Variants in STK24 observed in about 807,000 individuals in gnomAD.
STK24 encodes serine/threonine-protein kinase 24.
In STK24, 21 loss-of-function variants were observed where a neutral mutation model predicts 55.6. The ratio of observed to expected loss-of-function variants is 0.38; its 90% CI spans 0.27 to 0.54. STK24 has a LOEUF of 0.54. Among genes scored for constraint, STK24 ranks in the 20% least tolerant of loss-of-function variants. The pLI is 0.79. For missense variants in STK24, 383 were observed against 538.4 expected (o/e 0.71, Z 2.86); for synonymous variants, 200 against 215.2 (o/e 0.93, Z 0.62).
intron 5 of STK24, among the ~76,000 whole-genome samples, chr13:98,470,152 T>G (rs1894087013): frequency 6.6e-6 from 1 of 152,200 alleles, no homozygotes; most frequent in African/African-American, 2.4e-5. Context: ...CAAGAACTTG[T>G]GTCTGAGGTT....
chr13:98,445,205 T>C lies in STK24; in HGVS notation c.*7968A>G, dbSNP rs1294134535. On this transcript the variant is annotated 3_prime_UTR_variant, in exon 11 of 11. Transcript: ENST00000539966. Reference sequence around the variant, plus strand: ...CAGACTCGGAGGTCTGTATTTTTTATTGTGGTAAAATAGCTATACCACAAT... The same window carrying C: ...CAGACTCGGAGGTCTGTATTTTTTACTGTGGTAAAATAGCTATACCACAAT... The C allele has an allele frequency of 6.6e-6, 1 of 152,308 alleles. No individual in the cohort carries two copies. Among genetic ancestry groups the C allele is most frequent in the Non-Finnish European group, 1.5e-5 (1 of 68,070 alleles). 9.4% of individuals were successfully genotyped at this position (152,308 alleles called of 1,614,324 possible).
intron 2 of STK24, among the ~76,000 whole-genome samples, chr13:98,490,748 T>A (rs769848711): frequency 6.6e-6 from 1 of 151,732 alleles, no homozygotes. Context: ...TCCTCCCTTG[T>A]GTTCGCAAAC....
At chr13:98,488,162 C>CACGAAG (rs1894877821) in intron 2 of STK24, among the ~76,000 whole-genome samples, 1 of 91,980 alleles carries the variant, frequency 1.1e-5, no homozygotes. Flanking sequence ...GAGATGAAGA[C>CACGAAG]ACACACACAC....
intron 2 of STK24, among the ~76,000 whole-genome samples, chr13:98,483,028 C>A (rs1894658378): frequency 2.0e-5 from 3 of 152,264 alleles, no homozygotes; most frequent in Admixed American, 6.5e-5. Flanking sequence ...TCTCTTCAAG[C>A]TACTCAGCCC....
intron 10 of STK24, chr13:98,453,520 T>A (rs904365012): frequency 3.0e-6 from 1 of 335,390 alleles, no homozygotes; most frequent in African/African-American, 2.2e-5. Flanking sequence ...AAAGTGAACA[T>A]TGATCCATAC....
intron 1 of STK24, among the ~76,000 whole-genome samples, chr13:98,553,070 G>T (rs1350858116): frequency 6.6e-6 from 1 of 152,178 alleles, no homozygotes; most frequent in Non-Finnish European, 1.5e-5. Flanking sequence ...GAGCCAAGGG[G>T]ATGGGAAATC....
chr13:98,483,371 C>T (rs1251749714), intron 2 of STK24, among the ~76,000 whole-genome samples: 4 of 152,098 alleles, frequency 2.6e-5, no homozygotes, highest in Non-Finnish European at 4.4e-5. Flanking sequence ...ACTCAGGACT[C>T]GGTGGTGGCT....
chr13:98,548,979 C>T (rs114866602), intron 1 of STK24, among the ~76,000 whole-genome samples: 19 of 152,062 alleles, frequency 1.2e-4, no homozygotes, highest in Admixed American at 3.9e-4. Flanking sequence ...GAGAAGACCC[C>T]GATCAGTGCC....
intron 2 of STK24, among the ~76,000 whole-genome samples, chr13:98,508,219 C>T (rs60185370): frequency 1.5e-3 from 233 of 152,110 alleles, no homozygotes; most frequent in African/African-American, 5.3e-3. Flanking sequence ...ATTTCGTATA[C>T]AGGATCCCAA....
At chr13:98,575,630 C>T (rs1897870500) in intron 1 of STK24, among the ~76,000 whole-genome samples, 1 of 152,182 alleles carries the variant, frequency 6.6e-6, no homozygotes, top group African/African-American at 2.4e-5. Context: ...CTCTGTGCTT[C>T]TCAGCCCTCA....
At chr13:98,456,794 C>T in intron 10 of STK24, 2 of 359,698 alleles carry the variant, frequency 5.6e-6, no homozygotes, top group Non-Finnish European at 1.1e-5. Context: ...TCATTTCTCA[C>T]ACTTGACTTT....
At chr13:98,468,575 G>A (rs1386187657) in intron 5 of STK24, among the ~76,000 whole-genome samples, 2 of 152,134 alleles carry the variant, frequency 1.3e-5, no homozygotes, top group African/African-American at 4.8e-5. Flanking sequence ...GTGTGGCAGC[G>A]GTTCTCCACA....
Position 98,497,004 on chromosome 13 carries a change from G to C in STK24, c.274-14683C>G, listed in dbSNP as rs550177534. ...TTTTAACATGCTGAGATTAGAGTAG[G>C]ACAGTGTTGGGACCCGCATTTCTAG... On this transcript the variant is annotated intron_variant, in intron 2 of 10. Transcript: ENST00000539966. 3.9e-5 allele frequency among the ~76,000 whole-genome samples: 6 copies of C among 152,302 alleles called. No individual in the cohort carries two copies. In the East Asian group the frequency reaches 7.7e-4, roughly 20 times the overall value.
At chr13:98,480,953 A>G (rs1303305411) in intron 3 of STK24, among the ~76,000 whole-genome samples, 1 of 152,146 alleles carries the variant, frequency 6.6e-6, no homozygotes, top group Admixed American at 6.5e-5. Flanking sequence ...AGACTATGCT[A>G]AAGTAACACA....
chr13:98,549,202 T>A (rs1391890588), intron 1 of STK24, among the ~76,000 whole-genome samples: 1 of 152,214 alleles, frequency 6.6e-6, no homozygotes, highest in Non-Finnish European at 1.5e-5. Context: ...AATACTTCTG[T>A]CTTAGTCAGC....
intron 9 of STK24, among the ~76,000 whole-genome samples, chr13:98,459,937 G>A (rs1189935176): frequency 6.6e-6 from 1 of 152,234 alleles, no homozygotes; most frequent in Non-Finnish European, 1.5e-5. Context: ...TGGGAGCACA[G>A]CACTGCTGAG....
chr13:98,562,450 G>A (rs1270094430), intron 1 of STK24, among the ~76,000 whole-genome samples: 2 of 152,118 alleles, frequency 1.3e-5, no homozygotes. Context: ...ACTATCACAA[G>A]TCCTCCAGCA....
rs376510290 is a variant in STK24, at chr13:98,482,537, CG to C, written c.274-217del. The stretch of plus-strand genomic sequence containing the variant: ...CTGGGAGGGAGCTGTGGGGTGTGCT[CG>C]GGGGCCCGCACCTGACTCCCCAGGG... On this transcript the variant is annotated intron_variant, in intron 2 of 10. Transcript: ENST00000539966. 1.8e-4 allele frequency among the ~76,000 whole-genome samples: 27 copies of C among 152,266 alleles called. No homozygotes were observed. The East Asian group carries it at 5.0e-3, about 28-fold the overall frequency.
chr13:98,462,681 C>G (rs968842044), intron 7 of STK24, among the ~76,000 whole-genome samples: 10 of 152,170 alleles, frequency 6.6e-5, no homozygotes, highest in Non-Finnish European at 1.0e-4. Flanking sequence ...CCCCTAAGCC[C>G]GCTTCACCTG....
Sources: gnomAD v4.1 joint callset for allele counts (sites outside exome capture counted in the v4.1 genomes callset) on GRCh38, gnomAD v4.1.1 for gene constraint, MANE v1.5 for transcripts, NCBI Gene and HGNC (gene_info 2026-07-23, HGNC 2026-07-21) for gene names.